PDE8B: variants seen among roughly 807,000 people sequenced by gnomAD.
PDE8B encodes phosphodiesterase 8B.
A neutral mutation model predicts 101.3 loss-of-function variants in PDE8B; 26 were observed. That is an observed-to-expected ratio of 0.26 (90% confidence interval 0.19 to 0.36). The LOEUF is 0.36. PDE8B is among the 10% of genes least tolerant of loss of function. The pLI is 1.00. For synonymous variants in PDE8B, 424 were observed against 429.3 expected (o/e 0.99, Z 0.15); for missense variants, 810 against 1,163.1 (o/e 0.70, Z 4.42).
intron 1 of PDE8B, among the ~76,000 whole-genome samples, chr5:77,214,737 G>A (rs1444281069): frequency 6.6e-6 from 1 of 152,114 alleles, no homozygotes; most frequent in Non-Finnish European, 1.5e-5. Context: ...GTGTTTTGGA[G>A]TCAAACTTTA....
At position 77,337,585 on chromosome 5, in the gene PDE8B, C is replaced by T. The variant is rs1390923752; in HGVS notation, c.797+270C>T. Among the ~76,000 whole-genome samples, 3 of 152,254 alleles carry T rather than the reference C, an allele frequency of 2.0e-5. No individual in the cohort carries two copies. In the East Asian group the frequency reaches 5.8e-4, roughly 29 times the overall value. On this transcript the variant is annotated intron_variant, in intron 6 of 21. Transcript: ENST00000264917. ...AACCTGGGAAAATGCTTAATTTTTG[C>T]ACAATTAGATCGAGATTAGGAATAG...
the PDE8B span, among the ~76,000 whole-genome samples, chr5:77,119,869 G>A: frequency 6.6e-6 from 1 of 151,964 alleles, no homozygotes; most frequent in Non-Finnish European, 1.5e-5. Context: ...CATTAGCCAG[G>A]CATGGTGGCA....
At chr5:77,337,429 T>C (rs554906833) in intron 6 of PDE8B, 114 bp downstream of exon 6, 2 of 717,624 alleles carry the variant, frequency 2.8e-6, no homozygotes, top group East Asian at 2.7e-5. Context: ...TTTGAAGCTT[T>C]TAAACAGGCA....
chr5:77,417,242 C>A (rs940057890), intron 17 of PDE8B, among the ~76,000 whole-genome samples: 9 of 152,316 alleles, frequency 5.9e-5, no homozygotes, highest in Non-Finnish European at 1.2e-4. Context: ...GCATTCCTGT[C>A]ATGGCAAAAA....
chr5:77,345,025 T>G, intron 7 of PDE8B, 94 bp downstream of exon 7: 1 of 806,360 alleles, frequency 1.2e-6, no homozygotes, highest in East Asian at 2.4e-5. Context: ...ATCATCCTCA[T>G]GTATCAGCAC....
intron 1 of PDE8B, among the ~76,000 whole-genome samples, chr5:77,248,587 A>G (rs1479564): frequency 0.45 from 68,759 of 151,978 alleles, 16,066 homozygotes; most frequent in East Asian, 0.75. Context: ...CCGTGAAGAA[A>G]CAAGGTTGTT....
At chr5:77,365,625 A>C (rs1360991582) in intron 10 of PDE8B, among the ~76,000 whole-genome samples, 1 of 152,220 alleles carries the variant, frequency 6.6e-6, no homozygotes, top group Admixed American at 6.5e-5. Flanking sequence ...TTTGGGTAGC[A>C]GCAGTGGTTT....
chr5:77,341,431 A>C (rs923015206), intron 6 of PDE8B, among the ~76,000 whole-genome samples: 1 of 152,252 alleles, frequency 6.6e-6, no homozygotes, highest in Non-Finnish European at 1.5e-5. Context: ...ATCTAAGATC[A>C]TGTATAAAGG....
chr5:77,183,180 T>A, the PDE8B span, among the ~76,000 whole-genome samples: 2 of 151,778 alleles, frequency 1.3e-5, no homozygotes, highest in African/African-American at 2.4e-5. Context: ...AGTACAGTGG[T>A]TTGATCTCGG....
At chr5:77,136,729 G>A in the PDE8B span, among the ~76,000 whole-genome samples, 1 of 152,096 alleles carries the variant, frequency 6.6e-6, no homozygotes, top group Admixed American at 6.5e-5. Context: ...CCTCTTGAAG[G>A]GTATAAGCCT....
In PDE8B at chr5:77,426,611, C is replaced by T. The variant is rs566925510; in HGVS notation, c.*57C>T. ...CAAAGGACACTGTGAATCACAGTAG[C>T]GTAAACGAGAGGCCTTCCTTTCTAA... On this transcript the variant is annotated 3_prime_UTR_variant, in exon 22 of 22. Coordinates refer to ENST00000264917, the MANE Select transcript of PDE8B (RefSeq NM_003719.5). 2.8e-4 allele frequency: 247 copies of T among 884,550 alleles called. 1 individual carries two copies. The highest frequency in any genetic ancestry group is 2.1e-3 in the South Asian group (156 of 74,088). 54.8% of individuals were successfully genotyped at this position (884,550 alleles called of 1,614,324 possible). A position where few individuals can be genotyped will look rare whatever the true frequency, so the allele number is the denominator to read the frequency against.
intron 4 of PDE8B, among the ~76,000 whole-genome samples, chr5:77,330,969 A>T (rs1228578571): frequency 6.6e-6 from 1 of 152,142 alleles, no homozygotes; most frequent in Non-Finnish European, 1.5e-5. Context: ...GCAGCCTGGA[A>T]TGCTGGCTGT....
chr5:77,257,288 T>C (rs1580620548), intron 1 of PDE8B, among the ~76,000 whole-genome samples: 1 of 150,832 alleles, frequency 6.6e-6, no homozygotes, highest in Admixed American at 6.6e-5. Context: ...TCAGATGGGA[T>C]AAAAGAAAAG....
rs142730035 is a variant in PDE8B at position 77,306,739 on chromosome 5, G to A, written c.340-5255G>A. Among the ~76,000 whole-genome samples, 108 of 152,306 alleles carry A rather than the reference G, an allele frequency of 7.1e-4. 1 individual carries two copies. Among genetic ancestry groups the A allele is most frequent in the African/African-American group, 2.5e-3 (104 of 41,568 alleles). On this transcript the variant is annotated intron_variant, in intron 1 of 21. Transcript: ENST00000264917. ...GCAATCACCTCTAGAGAATGTGGTG[G>A]CGTGACAGGTGAATTAACCAACCTG...
chr5:77,226,611 G>A (rs139854762), intron 1 of PDE8B, among the ~76,000 whole-genome samples: 279 of 152,240 alleles, frequency 1.8e-3, no homozygotes, highest in South Asian at 3.1e-3. Context: ...GTGACATAAT[G>A]TTTTCCAGAA....
chr5:77,179,349 T>G, the PDE8B span, among the ~76,000 whole-genome samples: 1 of 152,222 alleles, frequency 6.6e-6, no homozygotes, highest in South Asian at 2.1e-4. Context: ...GTTGTTGGTC[T>G]TGGTTTTGGC....
chr5:77,105,878 A>G, the PDE8B span: 2 of 152,176 alleles, frequency 1.3e-5, no homozygotes, highest in Admixed American at 6.5e-5. Flanking sequence ...TTTAGTTTTA[A>G]TGTGCATTTT....
At chr5:77,391,222 A>G (rs1581432775) in intron 10 of PDE8B, among the ~76,000 whole-genome samples, 1 of 152,238 alleles carries the variant, frequency 6.6e-6, no homozygotes, top group Admixed American at 6.5e-5. Context: ...TTAGTTGTAC[A>G]GTGGGGTATC....
upstream of PDE8B, among the ~76,000 whole-genome samples, chr5:77,209,154 G>T (rs907490390): frequency 1.3e-5 from 2 of 152,100 alleles, no homozygotes; most frequent in Non-Finnish European, 2.9e-5. Flanking sequence ...CTTTTTCCAG[G>T]TTAGCTGGAG....
Sources: gnomAD v4.1 joint callset for allele counts (sites outside exome capture counted in the v4.1 genomes callset) on GRCh38, gnomAD v4.1.1 for gene constraint, MANE v1.5 for transcripts, NCBI Gene and HGNC (gene_info 2026-07-23, HGNC 2026-07-21) for gene names.